Variants in XKR4 observed in about 807,000 individuals in gnomAD.
The protein encoded by XKR4 is XK-related protein 4.
A neutral mutation model predicts 53.9 loss-of-function variants in XKR4; 12 were observed. The observed-to-expected ratio is 0.22, with a 90% CI of 0.14 to 0.36. The LOEUF (loss-of-function observed/expected upper bound fraction) is 0.36, where lower values mean the gene tolerates loss of function less well. Among genes scored for constraint, XKR4 ranks in the 10% least tolerant of loss-of-function variants. XKR4 has a pLI of 1.00. For missense variants in XKR4, 799 were observed against 859.5 expected (o/e 0.93, Z 0.88); for synonymous variants, 354 against 362.4 (o/e 0.98, Z 0.26).
At chr8:55,374,096 C>T (rs578153343) in intron 2 of XKR4, among the ~76,000 whole-genome samples, 2 of 152,220 alleles carry the variant, frequency 1.3e-5, no homozygotes, top group Non-Finnish European at 2.9e-5. Flanking sequence ...AAAATCACTC[C>T]TTGTTCTCAT....
intron 1 of XKR4, among the ~76,000 whole-genome samples, chr8:55,287,563 G>C (rs1186772176): frequency 6.6e-6 from 1 of 152,204 alleles, no homozygotes; most frequent in African/African-American, 2.4e-5. Flanking sequence ...TCTTGGAAAT[G>C]AGTGCTGCAT....
intron 2 of XKR4, chr8:55,450,097 G>A: frequency 1.4e-6 from 1 of 714,630 alleles, no homozygotes; most frequent in Non-Finnish European, 2.6e-6. Context: ...GCGGTCCCAG[G>A]TGTCCTTCCA....
chr8:55,342,773 C>T (rs1316110500), intron 1 of XKR4, among the ~76,000 whole-genome samples: 2 of 152,204 alleles, frequency 1.3e-5, no homozygotes, highest in Non-Finnish European at 2.9e-5. Flanking sequence ...TTGCAAGCCC[C>T]GTGAAACTCC....
intron 2 of XKR4, among the ~76,000 whole-genome samples, chr8:55,413,989 T>C (rs1324366646): frequency 3.9e-5 from 6 of 152,244 alleles, no homozygotes; most frequent in Non-Finnish European, 7.3e-5. Flanking sequence ...ATAAACTGTA[T>C]TCTTTTGATA....
At chr8:55,128,380 C>T (rs1464903428) in intron 1 of XKR4, among the ~76,000 whole-genome samples, 2 of 152,194 alleles carry the variant, frequency 1.3e-5, no homozygotes, top group East Asian at 1.9e-4. Flanking sequence ...AGCTCTCATG[C>T]ACATAGAAGT....
chr8:55,345,703 G>A (rs771793643), intron 1 of XKR4, among the ~76,000 whole-genome samples: 63 of 152,162 alleles, frequency 4.1e-4, no homozygotes, highest in Non-Finnish European at 1.9e-4. Flanking sequence ...CAGCATGAGC[G>A]GGACATTACA....
intron 1 of XKR4, among the ~76,000 whole-genome samples, chr8:55,110,077 G>A (rs1429290350): frequency 1.3e-5 from 2 of 152,140 alleles, no homozygotes; most frequent in Non-Finnish European, 2.9e-5. Flanking sequence ...TGGACCTATG[G>A]AAGCAAGACC....
rs1377553803 is a variant in XKR4, at chr8:55,525,255, A to T, written c.*1028A>T. On this transcript the variant is annotated 3_prime_UTR_variant, in exon 3 of 3. Transcript: ENST00000327381. The stretch of plus-strand genomic sequence containing the variant: ...CCGTGCCACTCCTTTCTAGTGCCAA[A>T]CACCATCCAACCACAGGACTGACGT... 1 of 152,610 alleles carries T rather than the reference A, an allele frequency of 6.6e-6. No individual in the cohort carries two copies. The highest frequency in any genetic ancestry group is 1.5e-5 in the Non-Finnish European group (1 of 68,048). 9.5% of individuals were successfully genotyped at this position (152,610 alleles called of 1,614,324 possible). A position where few individuals can be genotyped will look rare whatever the true frequency, so the allele number is the denominator to read the frequency against.
chr8:55,256,889 A>G (rs1818445479), intron 1 of XKR4, among the ~76,000 whole-genome samples: 2 of 152,192 alleles, frequency 1.3e-5, no homozygotes, highest in Non-Finnish European at 1.5e-5. Context: ...ACAGAAATAT[A>G]TTGCTCACAC....
chr8:55,345,938 A>G (rs1474941446), intron 1 of XKR4, among the ~76,000 whole-genome samples: 1 of 152,146 alleles, frequency 6.6e-6, no homozygotes, highest in Non-Finnish European at 1.5e-5. Flanking sequence ...CAAATACTGC[A>G]TCATTTCACT....
chr8:55,366,422 A>T (rs1803987436), intron 2 of XKR4, among the ~76,000 whole-genome samples: 1 of 152,214 alleles, frequency 6.6e-6, no homozygotes, highest in Non-Finnish European at 1.5e-5. Flanking sequence ...GCTCTAGATC[A>T]TGGAGGTTGT....
chr8:55,180,364 A>G (rs1817291175), intron 1 of XKR4, among the ~76,000 whole-genome samples: 1 of 152,224 alleles, frequency 6.6e-6, no homozygotes. Context: ...TGCAATGTTG[A>G]TAGCTCTAAT....
At chr8:55,143,902 A>G (rs1040847251) in intron 1 of XKR4, among the ~76,000 whole-genome samples, 2 of 152,246 alleles carry the variant, frequency 1.3e-5, no homozygotes, top group African/African-American at 4.8e-5. Context: ...CTCTACACAC[A>G]GTAATTTTGC....
chr8:55,448,279 A>G (rs1805374607), intron 2 of XKR4, among the ~76,000 whole-genome samples: 1 of 152,248 alleles, frequency 6.6e-6, no homozygotes, highest in Non-Finnish European at 1.5e-5. Context: ...TCTTCTTCCC[A>G]TACACCTGGA....
chr8:55,159,487 C>T (rs1312177083), intron 1 of XKR4, among the ~76,000 whole-genome samples: 2 of 152,082 alleles, frequency 1.3e-5, no homozygotes, highest in Non-Finnish European at 2.9e-5. Context: ...TTGTAGGGAA[C>T]ATCCAATTTG....
chr8:55,159,870 G>A (rs759401454), intron 1 of XKR4, among the ~76,000 whole-genome samples: 13 of 152,180 alleles, frequency 8.5e-5, no homozygotes, highest in Non-Finnish European at 1.6e-4. Context: ...GCATAGCATC[G>A]CATATAGACT....
intron 2 of XKR4, among the ~76,000 whole-genome samples, chr8:55,428,404 T>C (rs1458174603): frequency 6.6e-6 from 1 of 152,012 alleles, no homozygotes. Context: ...TAGAGAGACA[T>C]CCCAGCAAGA....
At chr8:55,243,565 A>C (rs1818240112) in intron 1 of XKR4, among the ~76,000 whole-genome samples, 1 of 152,240 alleles carries the variant, frequency 6.6e-6, no homozygotes, top group South Asian at 2.1e-4. Context: ...ATAAGTTTTC[A>C]ATTCATTTCG....
intron 2 of XKR4, among the ~76,000 whole-genome samples, chr8:55,456,537 T>A (rs1279343430): frequency 6.6e-6 from 1 of 152,212 alleles, no homozygotes; most frequent in Non-Finnish European, 1.5e-5. Context: ...ACGCATGATG[T>A]CTATGATTCC....
Sources: allele counts gnomAD v4.1 joint callset (sites outside exome capture counted in the v4.1 genomes callset), GRCh38; gene constraint gnomAD v4.1.1; transcripts MANE v1.5; gene names NCBI Gene and HGNC (gene_info 2026-07-23, HGNC 2026-07-21).